FRMD4A: variants seen among roughly 807,000 people sequenced by gnomAD.
FRMD4A encodes FERM domain-containing protein 4A.
FRMD4A carries 29 observed loss-of-function variants against 129.1 expected under a neutral mutation model. The observed-to-expected ratio is 0.22, with a 90% CI of 0.17 to 0.31. The LOEUF is 0.31. FRMD4A is among the 10% of genes least tolerant of loss of function. The probability of loss-of-function intolerance (pLI) is 1.00; values close to 1 mark genes in which losing one functional copy is unlikely to be tolerated. For synonymous variants in FRMD4A, 634 were observed against 571.6 expected, an observed-to-expected ratio of 1.11 and a Z score of -1.56; for missense variants, 1,272 against 1,375.8, an observed-to-expected ratio of 0.92 and a Z score of 1.19.
At chr10:13,694,843 TAA>T (rs5783342) in intron 14 of FRMD4A, among the ~76,000 whole-genome samples, 24,880 of 149,722 alleles carry the variant, frequency 0.17, 2,709 homozygotes, top group Non-Finnish European at 0.24. Flanking sequence ...CCCTGTCTCT[TAA>T]AAAAAAAAAA....
chr10:13,802,670 C>T (rs745494159), intron 4 of FRMD4A, among the ~76,000 whole-genome samples: 2 of 151,958 alleles, frequency 1.3e-5, no homozygotes, highest in Non-Finnish European at 2.9e-5. Context: ...GACAGTGTCT[C>T]GCTTTGTTGT....
chr10:13,733,320 C>A (rs1242967877), intron 12 of FRMD4A, among the ~76,000 whole-genome samples: 4 of 152,252 alleles, frequency 2.6e-5, no homozygotes, highest in Non-Finnish European at 5.9e-5. Context: ...AACAATGGCT[C>A]CAGCTGAGTC....
intron 8 of FRMD4A, among the ~76,000 whole-genome samples, chr10:13,755,417 C>A (rs1034222616): frequency 6.6e-6 from 1 of 152,190 alleles, no homozygotes; most frequent in Non-Finnish European, 1.5e-5. Flanking sequence ...ATAAAAATTT[C>A]TTTCCACACT....
intron 3 of FRMD4A, among the ~76,000 whole-genome samples, chr10:13,849,062 G>A (rs2094102452): frequency 6.6e-6 from 1 of 152,222 alleles, no homozygotes; most frequent in African/African-American, 2.4e-5. Context: ...ATTTGGTGGA[G>A]TGCCCAGCTT....
chr10:13,935,446 C>CAAAAAAA (rs71388135), intron 2 of FRMD4A, among the ~76,000 whole-genome samples: 3 of 36,420 alleles, frequency 8.2e-5, no homozygotes, highest in African/African-American at 3.5e-4. Context: ...AACTCCATCT[C>CAAAAAAA]AAAAAAAAAA....
intron 9 of FRMD4A, among the ~76,000 whole-genome samples, chr10:13,741,140 T>C (rs1004783386): frequency 2.0e-5 from 3 of 152,184 alleles, no homozygotes; most frequent in African/African-American, 7.2e-5. Flanking sequence ...CTTGGATTTC[T>C]AATCAAGAAA....
intron 2 of FRMD4A, among the ~76,000 whole-genome samples, chr10:13,905,938 A>T (rs906896775): frequency 1.3e-5 from 2 of 152,188 alleles, no homozygotes; most frequent in African/African-American, 4.8e-5. Flanking sequence ...AAGCGCCAAA[A>T]ATCATGTTCA....
At chr10:13,903,591 G>A (rs1448910860) in intron 2 of FRMD4A, among the ~76,000 whole-genome samples, 2 of 151,886 alleles carry the variant, frequency 1.3e-5, no homozygotes, top group African/African-American at 4.8e-5. Flanking sequence ...ATAAAAATTA[G>A]CCAGGTGTAG....
At chr10:13,676,511 G>C (rs995479217) in intron 15 of FRMD4A, among the ~76,000 whole-genome samples, 7 of 151,494 alleles carry the variant, frequency 4.6e-5, no homozygotes, top group African/African-American at 1.7e-4. Flanking sequence ...CTGACCTCAG[G>C]TGATCCACCC....
chr10:13,839,550 A>T (rs2093930077), intron 3 of FRMD4A, among the ~76,000 whole-genome samples: 1 of 152,174 alleles, frequency 6.6e-6, no homozygotes. Flanking sequence ...GGCTTTGGGT[A>T]CCATTGGCGT....
At chr10:14,041,979 T>C (rs1447332177) in intron 2 of FRMD4A, among the ~76,000 whole-genome samples, 1 of 152,198 alleles carries the variant, frequency 6.6e-6, no homozygotes, top group African/African-American at 2.4e-5. Context: ...TACTGCAAGA[T>C]CCTTATTCCA....
rs1309439913 is a variant in FRMD4A, at chr10:14,259,975, A to G, written c.45+70083T>C. Reference sequence around the variant, plus strand: ...AATGCAATACTCACGTCTTCAGAAAAAAAGAATCTCTAAGGATCTCTGTGT... The same window carrying G: ...AATGCAATACTCACGTCTTCAGAAAGAAAGAATCTCTAAGGATCTCTGTGT... On this transcript the variant is annotated intron_variant, in intron 2 of 24. Transcript: ENST00000357447. 2.0e-5 allele frequency among the ~76,000 whole-genome samples: 3 copies of G among 152,080 alleles called. No homozygotes were observed. The East Asian group carries it at 5.8e-4, about 29-fold the overall frequency.
At chr10:13,830,991 T>C (rs1295150929) in intron 3 of FRMD4A, among the ~76,000 whole-genome samples, 2 of 152,210 alleles carry the variant, frequency 1.3e-5, no homozygotes, top group African/African-American at 2.4e-5. Context: ...GGTTTTGCCA[T>C]GTTGGCCAGG....
chr10:14,060,613 C>G (rs1834762667), intron 2 of FRMD4A, among the ~76,000 whole-genome samples: 1 of 152,186 alleles, frequency 6.6e-6, no homozygotes, highest in Non-Finnish European at 1.5e-5. Flanking sequence ...AAGCAAAGTG[C>G]TTTCAACATT....
chr10:13,657,239 T>C lies in FRMD4A; in HGVS notation c.2350A>G (p.Arg784Gly). The change falls in exon 22 of 25, where the codon AGG becomes GGG. Residue 784 changes from arginine (R) to glycine (G), a missense_variant. Arg to Gly is a moderately radical substitution (Grantham distance 125). This residue lies in a region of FRMD4A where 972 missense variants were observed against 892.3 expected (regional missense o/e 1.09). Coordinates refer to ENST00000357447, the MANE Select transcript of FRMD4A (RefSeq NM_018027.5). Reference protein sequence around the residue: ...DSPSKARQRQRQRQRAAGALG... With the variant: ...DSPSKARQRQGQRQRAAGALG... ...GCGCCCGCCGCCCGCTGCCGCTGCC[T>C]CTGCCTCTGGCGCGCCTTGGACGGC... 1 of 1,585,886 alleles carries C rather than the reference T, an allele frequency of 6.3e-7. No individual in the cohort carries two copies. Among genetic ancestry groups the C allele is most frequent in the African/African-American group, 1.3e-5 (1 of 74,462 alleles).
intron 2 of FRMD4A, among the ~76,000 whole-genome samples, chr10:13,904,857 G>A (rs752984589): frequency 2.0e-5 from 3 of 152,076 alleles, no homozygotes; most frequent in African/African-American, 4.8e-5. Context: ...AGCCAGTGTG[G>A]TGGTGGATGC....
chr10:14,256,321 A>G (rs1291446726), intron 2 of FRMD4A, among the ~76,000 whole-genome samples: 1 of 152,200 alleles, frequency 6.6e-6, no homozygotes, highest in African/African-American at 2.4e-5. Flanking sequence ...AAATTTCTCT[A>G]TGGCATGACT....
In FRMD4A at chr10:14,132,206, T is replaced by A. The variant is rs544852509; in HGVS notation, c.45+197852A>T. Among the ~76,000 whole-genome samples the A allele has an allele frequency of 1.5e-4, 23 of 152,222 alleles. No individual in the cohort carries two copies. In the East Asian group the frequency reaches 4.1e-3, roughly 27 times the overall value. Reference sequence around the variant, plus strand: ...GGGAGGCTGAGGCAGGAGAATCGCTTGAGTCTGGGAGGAGGAGGTTGCAGT... The same window carrying A: ...GGGAGGCTGAGGCAGGAGAATCGCTAGAGTCTGGGAGGAGGAGGTTGCAGT... On this transcript the variant is annotated intron_variant, in intron 2 of 24. Transcript: ENST00000357447.
rs60332129 is a variant in FRMD4A at position 13,882,806 on chromosome 10, GTTTTT to G, written c.46-23899_46-23895del. Among the ~76,000 whole-genome samples, 648 of 125,762 alleles carry G rather than the reference GTTTTT, an allele frequency of 5.2e-3. 6 individuals carry two copies. The highest frequency in any genetic ancestry group is 0.015 in the African/African-American group (511 of 33,906). The allele number at this position is 125,762 out of a possible 152,430, so 82.5% of individuals were successfully genotyped here. A position where few individuals can be genotyped will look rare whatever the true frequency, so the allele number is the denominator to read the frequency against. On this transcript the variant is annotated intron_variant, in intron 2 of 24. Transcript: ENST00000357447. The stretch of plus-strand genomic sequence containing the variant: ...CCAAAAGCCACAGTATAATTTTTTG[GTTTTT>G]TTTTTTTTTTTTGAGACACACTCGC...
Sources: allele counts gnomAD v4.1 joint callset (sites outside exome capture counted in the v4.1 genomes callset), GRCh38; gene constraint gnomAD v4.1.1; regional missense constraint gnomAD v4.1.1; transcripts MANE v1.5; gene names NCBI Gene and HGNC (gene_info 2026-07-23, HGNC 2026-07-21).